The following PTGIS variants were observed in gnomAD, a reference collection of about 807,000 sequenced individuals.
PTGIS encodes the protein prostaglandin I2 synthase.
A neutral mutation model predicts 50.3 loss-of-function variants in PTGIS; 45 were observed. The ratio of observed to expected loss-of-function variants is 0.90; its 90% CI spans 0.70 to 1.15. The LOEUF (loss-of-function observed/expected upper bound fraction) is 1.15. Among genes scored for constraint, PTGIS ranks in the 50% most tolerant of loss-of-function variants. The pLI, the probability that PTGIS is intolerant of heterozygous loss-of-function variation, is 0.00. For missense variants in PTGIS, 668 were observed against 661.3 expected (o/e 1.01, Z -0.11); for synonymous variants, 260 against 267.7 (o/e 0.97, Z 0.28).
At chr20:49,528,828 T>C (rs957143125) in intron 5 of PTGIS, among the ~76,000 whole-genome samples, 10 of 152,170 alleles carry the variant, frequency 6.6e-5, no homozygotes, top group Admixed American at 2.6e-4. Context: ...AATAAGAATA[T>C]AGTCACATTC....
In PTGIS at chr20:49,508,074, G is replaced by C. The variant is rs892121534; in HGVS notation, c.1359-10C>G. 16 of 1,613,620 alleles carry C rather than the reference G, an allele frequency of 9.9e-6. No individual in the cohort carries two copies. The highest frequency in any genetic ancestry group is 1.4e-5 in the Non-Finnish European group (16 of 1,180,016). The stretch of plus-strand genomic sequence containing the variant: ...CACAAGGAACACAAATCTGCAGAGA[G>C]ATGGCATGGAAGGTGTGAAGGAGAG... On this transcript the variant is annotated splice_polypyrimidine_tract_variant and intron_variant, in intron 9 of 9. Coordinates refer to ENST00000244043, the MANE Select transcript of PTGIS (RefSeq NM_000961.4).
Position 49,528,134 on chromosome 20 carries a change from A to C in PTGIS, c.674-3895T>G, listed in dbSNP as rs1473428003. Among the ~76,000 whole-genome samples the C allele has an allele frequency of 3.3e-5, 5 of 152,154 alleles. No homozygotes were observed. The East Asian group carries it at 5.8e-4, about 18-fold the overall frequency. ...CAGCCTGGGTGACAGAGTGATACTC[A>C]AAATACAAAAGAATTTGAATTCCAA... On this transcript the variant is annotated intron_variant, in intron 5 of 9. Transcript: ENST00000244043.
intron 2 of PTGIS, among the ~76,000 whole-genome samples, chr20:49,548,685 G>T (rs1982428935): frequency 6.6e-6 from 1 of 151,856 alleles, no homozygotes; most frequent in South Asian, 2.1e-4. Context: ...ATGGGCAGAT[G>T]GATGGATTGG....
rs1443928900 is a variant in PTGIS, at chr20:49,508,081, T to G, written c.1359-17A>C. The G allele has an allele frequency of 1.2e-6, 2 of 1,613,090 alleles. No individual in the cohort carries two copies. The highest frequency in any genetic ancestry group is 2.7e-5 in the African/African-American group (2 of 74,872). On this transcript the variant is annotated splice_polypyrimidine_tract_variant and intron_variant, in intron 9 of 9. Coordinates refer to ENST00000244043, the MANE Select transcript of PTGIS (RefSeq NM_000961.4). ...AACACAAATCTGCAGAGAGATGGCA[T>G]GGAAGGTGTGAAGGAGAGGAGTAGG...
chr20:49,533,143 T>TCTGGGG (rs1981977663), intron 5 of PTGIS, among the ~76,000 whole-genome samples: 1 of 152,148 alleles, frequency 6.6e-6, no homozygotes, highest in Non-Finnish European at 1.5e-5. Context: ...GACCCAGACT[T>TCTGGGG]GAATACCTCT....
Position 49,547,884 on chromosome 20 carries a change from G to C in PTGIS, c.334C>G (p.Leu112Val). Reference protein sequence around the residue: ...FLMERIFDVQLPHYSPSDEKA... With the variant: ...FLMERIFDVQVPHYSPSDEKA... ...TCATCACTGGGGCTGTAATGTGGAA[G>C]CTGCACATCAAAAATCCTCTCCATG... is the stretch of plus-strand genomic sequence containing the variant. Residue 112 changes from leucine (L) to valine (V), a missense_variant, in exon 3 of 10, where the codon CTT (leucine) becomes GTT (valine). Coordinates refer to ENST00000244043, the MANE Select transcript of PTGIS (RefSeq NM_000961.4). 6.2e-7 allele frequency: 1 copy of C among 1,614,154 alleles called. No individual in the cohort carries two copies. Among genetic ancestry groups the C allele is most frequent in the Non-Finnish European group, 8.5e-7 (1 of 1,180,032 alleles).
At chr20:49,560,565 G>A (rs1188745519) in intron 1 of PTGIS, among the ~76,000 whole-genome samples, 1 of 151,498 alleles carries the variant, frequency 6.6e-6, no homozygotes, top group African/African-American at 2.4e-5. Flanking sequence ...AAACAGGGTG[G>A]TGTGAGACAG....
At chr20:49,561,337 C>T (rs75189189) in intron 1 of PTGIS, among the ~76,000 whole-genome samples, 1 of 152,194 alleles carries the variant, frequency 6.6e-6, no homozygotes, top group Non-Finnish European at 1.5e-5. Flanking sequence ...AAGTGCCTCT[C>T]CCAACCATTC....
At chr20:49,524,368 T>C in intron 5 of PTGIS, 129 bp from the exon 6 acceptor site, 1 of 1,091,212 alleles carries the variant, frequency 9.2e-7, no homozygotes. Flanking sequence ...GGAGTTCCTG[T>C]GGGAAAGAAG....
intron 1 of PTGIS, among the ~76,000 whole-genome samples, chr20:49,550,774 AGTAT>A (rs1982486978): frequency 6.6e-6 from 1 of 152,184 alleles, no homozygotes. Flanking sequence ...CCTTTTCTGG[AGTAT>A]TACTTGCTTC....
intron 4 of PTGIS, among the ~76,000 whole-genome samples, chr20:49,541,868 C>T (rs777713173): frequency 3.3e-5 from 5 of 152,132 alleles, no homozygotes; most frequent in Admixed American, 6.5e-5. Context: ...ACAGGATAAT[C>T]CCATATGTAA....
At chr20:49,560,356 A>G (rs1248186458) in intron 1 of PTGIS, among the ~76,000 whole-genome samples, 1 of 152,112 alleles carries the variant, frequency 6.6e-6, no homozygotes, top group Non-Finnish European at 1.5e-5. Flanking sequence ...GGCACATGCC[A>G]TCACACCTGA....
chr20:49,521,546 G>A (rs191952949), intron 6 of PTGIS, among the ~76,000 whole-genome samples: 88 of 152,192 alleles, frequency 5.8e-4, no homozygotes, highest in Non-Finnish European at 1.0e-4. Context: ...TCATTCCCAC[G>A]AGAGTTCTGG....
In PTGIS at chr20:49,547,030, G is replaced by A. The variant is rs533480864; in HGVS notation, c.377+811C>T. ...GCAGACCACCTGAGGTCAGGAGTTC[G>A]AGACCTGCCTGGACAACATGATGAA... On this transcript the variant is annotated intron_variant, in intron 3 of 9. Transcript: ENST00000244043. 4.6e-5 allele frequency among the ~76,000 whole-genome samples: 7 copies of A among 152,310 alleles called. No individual in the cohort carries two copies. The South Asian group carries it at 1.2e-3, about 27-fold the overall frequency.
At chr20:49,517,633 C>T (rs1380766084) in intron 6 of PTGIS, among the ~76,000 whole-genome samples, 1 of 152,234 alleles carries the variant, frequency 6.6e-6, no homozygotes, top group African/African-American at 2.4e-5. Flanking sequence ...AGTGCCACCC[C>T]TGTTCTAGCT....
chr20:49,546,868 A>G (rs1386184461), intron 3 of PTGIS, among the ~76,000 whole-genome samples: 2 of 152,214 alleles, frequency 1.3e-5, no homozygotes, highest in Non-Finnish European at 2.9e-5. Flanking sequence ...ACCAGGGTAC[A>G]ATGGGTCCTC....
intron 1 of PTGIS, among the ~76,000 whole-genome samples, chr20:49,564,099 C>G (rs991072140): frequency 6.6e-6 from 1 of 152,164 alleles, no homozygotes; most frequent in Non-Finnish European, 1.5e-5. Flanking sequence ...GAATGGGGCT[C>G]GAAAATTCTT....
At position 49,508,057 on chromosome 20, in the gene PTGIS, A is replaced by C. The variant is rs777270308; in HGVS notation, c.1366T>G (p.Phe456Val). Residue 456 changes from phenylalanine (F) to valine (V), a missense_variant, in exon 10 of 10, where the codon TTC becomes GTC. Transcript: ENST00000244043. ...AAGTCCAAGTGCACCAGCACAAGGA[A>C]CACAAATCTGCAGAGAGATGGCATG... is the stretch of plus-strand genomic sequence containing the variant. Reference protein sequence around the residue: ...YAVNSIKQFVFLVLVHLDLEL... With the variant: ...YAVNSIKQFVVLVLVHLDLEL... 4 of 1,613,876 alleles carry C rather than the reference A, an allele frequency of 2.5e-6. No individual in the cohort carries two copies. The highest frequency in any genetic ancestry group is 2.5e-6 in the Non-Finnish European group (3 of 1,180,026).
At chr20:49,537,698 C>T (rs527982751) in intron 5 of PTGIS, among the ~76,000 whole-genome samples, 50 of 152,046 alleles carry the variant, frequency 3.3e-4, no homozygotes, top group Non-Finnish European at 5.9e-4. Context: ...GAGGTTGCAG[C>T]GAGCCGAGAT....
Sources: gnomAD v4.1 joint callset for allele counts (sites outside exome capture counted in the v4.1 genomes callset) on GRCh38, gnomAD v4.1.1 for gene constraint, MANE v1.5 for transcripts, NCBI Gene and HGNC (gene_info 2026-07-23, HGNC 2026-07-21) for gene names.